TLK1: variants seen among roughly 807,000 people sequenced by gnomAD.
The protein encoded by TLK1 is serine/threonine-protein kinase tousled-like 1.
Under a neutral mutation model 105.3 loss-of-function variants are expected in TLK1, and 24 were observed. The observed-to-expected ratio is 0.23, with a 90% CI of 0.17 to 0.32. TLK1 has a LOEUF of 0.32. TLK1 is among the 10% of genes least tolerant of loss of function. The probability of loss-of-function intolerance (pLI) is 1.00; values close to 1 mark genes in which losing one functional copy is unlikely to be tolerated. For missense variants in TLK1, 558 were observed against 910.5 expected (o/e 0.61, Z 4.98); for synonymous variants, 321 against 310.4 (o/e 1.03, Z -0.36).
At chr2:171,070,072 G>C (rs1366710211) in intron 3 of TLK1, among the ~76,000 whole-genome samples, 1 of 152,086 alleles carries the variant, frequency 6.6e-6, no homozygotes, top group Non-Finnish European at 1.5e-5. Context: ...TTATGGTAAA[G>C]AACTATACTG....
At position 170,997,738 on chromosome 2, in the gene TLK1, A is replaced by C; in HGVS notation, c.1990T>G (p.Phe664Val). Residue 664 changes from phenylalanine (F) to valine (V), a missense_variant, in exon 19 of 21, where the codon TTC (phenylalanine) becomes GTC (valine). Phe to Val is a conservative substitution (Grantham distance 50). Transcript: ENST00000431350. The stretch of plus-strand genomic sequence containing the variant: ...TTTCTACCATAAAGACACTGAAAGA[A>C]GATGACTCCAACCGACCATACATCA... Reference protein sequence around the residue: ...KVDVWSVGVIFFQCLYGRKPF... With the variant: ...KVDVWSVGVIVFQCLYGRKPF... 3 of 1,609,010 alleles carry C rather than the reference A, an allele frequency of 1.9e-6. No individual in the cohort carries two copies. The highest frequency in any genetic ancestry group is 2.5e-6 in the Non-Finnish European group (3 of 1,176,988).
At chr2:171,004,046 C>G (rs1684527177) in intron 18 of TLK1, among the ~76,000 whole-genome samples, 1 of 152,160 alleles carries the variant, frequency 6.6e-6, no homozygotes, top group Non-Finnish European at 1.5e-5. Flanking sequence ...CCTCTGCCTC[C>G]TGGATTCAAA....
At chr2:171,073,246 C>T (rs1309483244) in intron 3 of TLK1, among the ~76,000 whole-genome samples, 1 of 152,180 alleles carries the variant, frequency 6.6e-6, no homozygotes, top group Non-Finnish European at 1.5e-5. Flanking sequence ...ACTTCCCATT[C>T]TATACTGAAT....
At chr2:171,023,819 T>C (rs1685646910) in intron 12 of TLK1, among the ~76,000 whole-genome samples, 1 of 152,192 alleles carries the variant, frequency 6.6e-6, no homozygotes, top group Non-Finnish European at 1.5e-5. Context: ...ATCCACACCA[T>C]CTTCTTCAAC....
chr2:171,022,017 C>T (rs1281538352), intron 12 of TLK1, among the ~76,000 whole-genome samples: 2 of 150,454 alleles, frequency 1.3e-5, no homozygotes, highest in Non-Finnish European at 3.0e-5. Flanking sequence ...GCAGGAGAAT[C>T]GATTGAACCT....
intron 12 of TLK1, among the ~76,000 whole-genome samples, chr2:171,015,270 T>C (rs1433785010): frequency 6.8e-6 from 1 of 147,402 alleles, no homozygotes; most frequent in Non-Finnish European, 1.5e-5. Flanking sequence ...AAATGAGCCA[T>C]TTCTAGTCCA....
At chr2:171,108,303 G>GT (rs1690019157) in intron 2 of TLK1, among the ~76,000 whole-genome samples, 1 of 152,158 alleles carries the variant, frequency 6.6e-6, no homozygotes, top group Non-Finnish European at 1.5e-5. Flanking sequence ...CAGGAATGCA[G>GT]TTTGAGAGAG....
At chr2:171,206,040 A>C (rs1415928694) in intron 1 of TLK1, among the ~76,000 whole-genome samples, 1 of 152,208 alleles carries the variant, frequency 6.6e-6, no homozygotes, top group Non-Finnish European at 1.5e-5. Context: ...AAACTATGTT[A>C]TATTTTGTTA....
intron 18 of TLK1, among the ~76,000 whole-genome samples, chr2:171,004,984 C>T (rs950597833): frequency 6.6e-6 from 1 of 152,204 alleles, no homozygotes; most frequent in African/African-American, 2.4e-5. Context: ...TGACTAATCC[C>T]TGCTCATTAA....
chr2:171,147,880 T>C (rs1362385001), intron 1 of TLK1, among the ~76,000 whole-genome samples: 1 of 151,972 alleles, frequency 6.6e-6, no homozygotes, highest in African/African-American at 2.4e-5. Context: ...TACTTTGTAT[T>C]GGTATGCAGT....
rs943491371 is a variant in TLK1, at chr2:171,160,100, C to T, written c.139+190G>A. ...TCCGTCTCCTCCGCCACCCGCGAAC[C>T]ACCATCCACAGCCAGGGCACTACCT... On this transcript the variant is annotated intron_variant, in intron 1 of 20. Transcript: ENST00000431350. The surrounding 1 kb of genome is among the most constrained non-coding windows in gnomAD (Gnocchi z 4.4). 1.3e-5 allele frequency among the ~76,000 whole-genome samples: 2 copies of T among 152,144 alleles called. No individual in the cohort carries two copies. Among genetic ancestry groups the T allele is most frequent in the Non-Finnish European group, 2.9e-5 (2 of 68,004 alleles).
chr2:171,213,847 C>G (rs1043736600), intron 1 of TLK1, among the ~76,000 whole-genome samples: 12 of 147,328 alleles, frequency 8.1e-5, no homozygotes, highest in Admixed American at 6.7e-4. Context: ...CTCAGCCTCC[C>G]AAGTAGCTGG....
chr2:171,031,494 T>C (rs893283542), intron 11 of TLK1, among the ~76,000 whole-genome samples: 2 of 152,192 alleles, frequency 1.3e-5, no homozygotes, highest in African/African-American at 4.8e-5. Flanking sequence ...AAATCTTTTA[T>C]TCATAGATAA....
At position 171,006,772 on chromosome 2, in the gene TLK1, T is replaced by TAA. The variant is rs757871696; in HGVS notation, c.1598+26_1598+27dup. 3.1e-6 allele frequency: 5 copies of TAA among 1,603,264 alleles called. No homozygotes were observed. The East Asian group carries it at 1.1e-4, about 36-fold the overall frequency. On this transcript the variant is annotated intron_variant, in intron 16 of 20. Transcript: ENST00000431350. ...AAGAGAAAGCAAGCATATCTTTCCT[T>TAA]AAAAATTGAACCTTAATATTCACTT...
intron 19 of TLK1, 96 bp from the exon 20 acceptor site, chr2:170,996,856 C>A: frequency 1.0e-6 from 1 of 1,003,412 alleles, no homozygotes; most frequent in Non-Finnish European, 1.4e-6. Context: ...ACCGAAAATC[C>A]AAATATCTTG....
chr2:171,054,922 C>T (rs1687423420), intron 7 of TLK1, 161 bp downstream of exon 7: 1 of 405,076 alleles, frequency 2.5e-6, no homozygotes, highest in Non-Finnish European at 4.4e-6. Context: ...GTTTCTCACT[C>T]CTTCCTACAA....
chr2:171,043,648 A>G (rs1028887429), intron 11 of TLK1, among the ~76,000 whole-genome samples: 4 of 152,210 alleles, frequency 2.6e-5, no homozygotes, highest in Admixed American at 2.6e-4. Flanking sequence ...GAATGGTGTT[A>G]GCGGGAACTT....
chr2:171,103,573 C>A (rs910268469), intron 2 of TLK1, among the ~76,000 whole-genome samples: 17 of 152,080 alleles, frequency 1.1e-4, no homozygotes, highest in Non-Finnish European at 2.2e-4. Flanking sequence ...CTTCATTTTT[C>A]TTCGTGATTA....
intron 14 of TLK1, among the ~76,000 whole-genome samples, chr2:171,010,430 A>T (rs778256111): frequency 2.0e-5 from 3 of 152,198 alleles, no homozygotes; most frequent in Non-Finnish European, 4.4e-5. Context: ...GAGGTAAGTC[A>T]TGTATACAAA....
Sources: gnomAD v4.1 joint callset for allele counts (sites outside exome capture counted in the v4.1 genomes callset) on GRCh38, gnomAD v4.1.1 for gene constraint, Gnocchi (gnomAD v3.1) non-coding constraint, MANE v1.5 for transcripts, NCBI Gene and HGNC (gene_info 2026-07-23, HGNC 2026-07-21) for gene names.